LARGE1: variants seen among roughly 807,000 people sequenced by gnomAD.
The protein encoded by LARGE1 is xylosyl- and glucuronyltransferase LARGE1.
In LARGE1, 43 loss-of-function variants were observed where a neutral mutation model predicts 87.6. The observed-to-expected ratio is 0.49, with a 90% confidence interval of 0.38 to 0.63. The LOEUF (loss-of-function observed/expected upper bound fraction) is 0.63. LARGE1 is among the 30% of genes least tolerant of loss of function. The pLI is 0.00. For missense variants in LARGE1, 802 were observed against 1,000.2 expected (o/e 0.80, Z 2.67); for synonymous variants, 434 against 394.6 (o/e 1.10, Z -1.18).
intron 2 of LARGE1, among the ~76,000 whole-genome samples, chr22:33,745,989 C>T (rs2084068085): frequency 1.3e-5 from 2 of 152,182 alleles, no homozygotes; most frequent in South Asian, 4.1e-4. Flanking sequence ...TTAGAGAGAT[C>T]ACACAAGGCA....
intron 6 of LARGE1, among the ~76,000 whole-genome samples, chr22:33,525,443 A>G (rs886321814): frequency 7.2e-5 from 11 of 152,240 alleles, no homozygotes; most frequent in Non-Finnish European, 1.3e-4. Flanking sequence ...AAGCTGCATG[A>G]AACAGCCTCT....
chr22:33,080,397 C>T, the LARGE1 span, among the ~76,000 whole-genome samples: 1 of 152,186 alleles, frequency 6.6e-6, no homozygotes, highest in African/African-American at 2.4e-5. Flanking sequence ...ATGGGAATTC[C>T]GTTCCACTCT....
At chr22:33,259,720 A>G (rs1222831089) in intron 11 of LARGE1, among the ~76,000 whole-genome samples, 1 of 152,206 alleles carries the variant, frequency 6.6e-6, no homozygotes, top group Non-Finnish European at 1.5e-5. Context: ...TGACAATTCA[A>G]TGGTGAGGTC....
At chr22:33,447,285 C>T (rs558383926) in intron 6 of LARGE1, among the ~76,000 whole-genome samples, 1 of 152,324 alleles carries the variant, frequency 6.6e-6, no homozygotes, top group East Asian at 1.9e-4. Context: ...ATTTACTTTT[C>T]ATTCTTTCTT....
At chr22:33,444,892 C>T (rs897523002) in intron 6 of LARGE1, among the ~76,000 whole-genome samples, 20 of 152,096 alleles carry the variant, frequency 1.3e-4, no homozygotes, top group Admixed American at 3.9e-4. Context: ...TGCAGTGGCG[C>T]GATCTCGACT....
At chr22:33,288,804 C>T (rs1433097798) in intron 12 of LARGE1, among the ~76,000 whole-genome samples, 4 of 152,316 alleles carry the variant, frequency 2.6e-5, no homozygotes, top group East Asian at 1.9e-4. Flanking sequence ...TGAGCTGACA[C>T]AGTCTCTTCC....
At chr22:33,185,931 G>C (rs1484925968) in intron 11 of LARGE1, among the ~76,000 whole-genome samples, 1 of 152,016 alleles carries the variant, frequency 6.6e-6, no homozygotes, top group African/African-American at 2.4e-5. Flanking sequence ...TGACAAATTT[G>C]ATCAAAGAAA....
intron 1 of LARGE1, among the ~76,000 whole-genome samples, chr22:33,904,535 C>A (rs2065380034): frequency 6.6e-6 from 1 of 152,146 alleles, no homozygotes; most frequent in South Asian, 2.1e-4. Flanking sequence ...GATGTGCACC[C>A]AGGGCTCCTG....
At chr22:33,876,205 C>A (rs2064460597) in intron 1 of LARGE1, among the ~76,000 whole-genome samples, 1 of 152,106 alleles carries the variant, frequency 6.6e-6, no homozygotes, top group Non-Finnish European at 1.5e-5. Flanking sequence ...AGGTTAGAAC[C>A]CCAGGCCTGG....
At chr22:33,526,653 C>T (rs890596311) in intron 6 of LARGE1, among the ~76,000 whole-genome samples, 2 of 152,226 alleles carry the variant, frequency 1.3e-5, no homozygotes, top group Non-Finnish European at 2.9e-5. Flanking sequence ...AGAGAGAGAA[C>T]ACAGAACACA....
intron 2 of LARGE1, among the ~76,000 whole-genome samples, chr22:33,747,294 C>T (rs2084124892): frequency 6.6e-6 from 1 of 152,112 alleles, no homozygotes; most frequent in Admixed American, 6.5e-5. Context: ...CCTGCCTACC[C>T]TTCCTGACCT....
intron 6 of LARGE1, among the ~76,000 whole-genome samples, chr22:33,435,186 G>A (rs1399133596): frequency 6.6e-6 from 1 of 152,130 alleles, no homozygotes; most frequent in East Asian, 1.9e-4. Flanking sequence ...ATTTTTAGCA[G>A]AGACAGGGTT....
intron 11 of LARGE1, among the ~76,000 whole-genome samples, chr22:33,169,510 C>T (rs1922445497): frequency 6.6e-6 from 1 of 152,022 alleles, no homozygotes; most frequent in African/African-American, 2.4e-5. Flanking sequence ...ACTTAATGAA[C>T]AAAAGTGAAT....
At chr22:33,825,104 A>C (rs1216902934) in intron 1 of LARGE1, among the ~76,000 whole-genome samples, 2 of 152,214 alleles carry the variant, frequency 1.3e-5, no homozygotes, top group African/African-American at 4.8e-5. Context: ...AGCAACTTAA[A>C]GACTGAGCTT....
chr22:33,690,902 T>G (rs2149336233), intron 2 of LARGE1, among the ~76,000 whole-genome samples: 1 of 152,252 alleles, frequency 6.6e-6, no homozygotes, highest in South Asian at 2.1e-4. Flanking sequence ...CCTGGTCTCA[T>G]AAAGTACCGC....
the LARGE1 span, among the ~76,000 whole-genome samples, chr22:33,100,045 T>C: frequency 1.3e-5 from 2 of 152,190 alleles, no homozygotes; most frequent in Non-Finnish European, 2.9e-5. Context: ...TATTTTTAAA[T>C]CTGAGTTTGG....
intron 1 of LARGE1, among the ~76,000 whole-genome samples, chr22:33,851,376 G>A (rs895276661): frequency 6.6e-5 from 10 of 152,072 alleles, no homozygotes; most frequent in Non-Finnish European, 1.3e-4. Flanking sequence ...CACTTACTTC[G>A]AGGCACACTT....
At position 33,274,877 on chromosome 22, in the gene LARGE1, T is replaced by C. The variant is rs551254588; in HGVS notation, c.2074-253A>G. Among the ~76,000 whole-genome samples the C allele has an allele frequency of 1.5e-4, 23 of 152,302 alleles. No homozygotes were observed. In the East Asian group the frequency reaches 4.2e-3, roughly 28 times the overall value. On this transcript the variant is annotated intron_variant, in intron 14 of 14. Transcript: ENST00000397394. ...AGGTGAAAGTAATAATATTCTTGAATGATGACCATGACGGAGAAGCCAATA... is the reference window on the plus strand; with the variant it reads ...AGGTGAAAGTAATAATATTCTTGAACGATGACCATGACGGAGAAGCCAATA...
chr22:33,068,448 A>T, the LARGE1 span, among the ~76,000 whole-genome samples: 1 of 152,118 alleles, frequency 6.6e-6, no homozygotes, highest in South Asian at 2.1e-4. Context: ...GATCGAGACC[A>T]TCCTGGCTAA....
Sources: gnomAD v4.1 joint callset for allele counts (sites outside exome capture counted in the v4.1 genomes callset) on GRCh38, gnomAD v4.1.1 for gene constraint, MANE v1.5 for transcripts, NCBI Gene and HGNC (gene_info 2026-07-23, HGNC 2026-07-21) for gene names.